Variants in PJA2 observed in about 807,000 individuals in gnomAD.
PJA2 encodes the protein E3 ubiquitin-protein ligase Praja-2.
Under a neutral mutation model 69.3 loss-of-function variants are expected in PJA2, and 25 were observed. The ratio of observed to expected loss-of-function variants is 0.36; its 90% CI spans 0.26 to 0.50. The LOEUF (loss-of-function observed/expected upper bound fraction) is 0.50, where lower values mean the gene tolerates loss of function less well. Among genes scored for constraint, PJA2 ranks in the 20% least tolerant of loss-of-function variants. The pLI is 0.96. For synonymous variants in PJA2, 308 were observed against 277.8 expected (o/e 1.11, Z -1.08); for missense variants, 809 against 830.2 (o/e 0.97, Z 0.31).
In PJA2 at chr5:109,400,487, G is replaced by GCC. The variant is rs1747515509; in HGVS notation, c.-88+9354_-88+9355insGG. ...AAAAGAGAGCAAACCAGCAGGGGGA[G>GCC]GGGGGGGAAGGGCGGGGGGGTGTCG... On this transcript the variant is annotated intron_variant, in intron 1 of 9. Coordinates refer to ENST00000361189, the MANE Select transcript of PJA2 (RefSeq NM_014819.5). Among the ~76,000 whole-genome samples, 12 of 146,396 alleles carry GCC rather than the reference G, an allele frequency of 8.2e-5. 1 individual carries two copies. The highest frequency in any genetic ancestry group is 6.8e-4 in the Admixed American group (10 of 14,758).
chr5:109,400,006 C>T (rs998619545), intron 1 of PJA2, among the ~76,000 whole-genome samples: 1 of 152,004 alleles, frequency 6.6e-6, no homozygotes, highest in Non-Finnish European at 1.5e-5. Context: ...CAAGATAAAT[C>T]AGGCCAGGCT....
chr5:109,370,269 T>C (rs1762654991), intron 4 of PJA2, among the ~76,000 whole-genome samples: 1 of 152,034 alleles, frequency 6.6e-6, no homozygotes, highest in Non-Finnish European at 1.5e-5. Flanking sequence ...ACTTGGAAAA[T>C]CAAAAATAAC....
intron 4 of PJA2, among the ~76,000 whole-genome samples, chr5:109,369,175 T>C (rs149180986): frequency 2.2e-4 from 34 of 152,290 alleles, no homozygotes; most frequent in Non-Finnish European, 4.0e-4. Context: ...ACCTCTTTTC[T>C]TTATAAATTA....
chr5:109,344,542 A>T (rs1282449586), intron 8 of PJA2, among the ~76,000 whole-genome samples, 163 bp downstream of exon 8: 1 of 152,256 alleles, frequency 6.6e-6, no homozygotes, highest in Non-Finnish European at 1.5e-5. Flanking sequence ...CTTGAAAATT[A>T]AAAATATTCT....
At chr5:109,363,919 A>C (rs897325240) in intron 5 of PJA2, among the ~76,000 whole-genome samples, 2 of 152,174 alleles carry the variant, frequency 1.3e-5, no homozygotes, top group African/African-American at 4.8e-5. Flanking sequence ...TGGGAGTCCG[A>C]GTCAGGCAGA....
At chr5:109,401,957 G>A (rs1425444713) in intron 1 of PJA2, among the ~76,000 whole-genome samples, 1 of 152,136 alleles carries the variant, frequency 6.6e-6, no homozygotes, top group South Asian at 2.1e-4. Flanking sequence ...TAGCACAAAA[G>A]ATAAGGAGAA....
At chr5:109,398,877 C>T (rs1217374601) in intron 1 of PJA2, among the ~76,000 whole-genome samples, 2 of 152,236 alleles carry the variant, frequency 1.3e-5, no homozygotes, top group East Asian at 3.9e-4. Flanking sequence ...AGATTTGCTA[C>T]CACTGGGGAA....
At chr5:109,406,321 T>G (rs1179227711) in intron 1 of PJA2, among the ~76,000 whole-genome samples, 2 of 152,214 alleles carry the variant, frequency 1.3e-5, no homozygotes, top group African/African-American at 4.8e-5. Flanking sequence ...ATTACAGGCG[T>G]GAGCCACCGC....
intron 9 of PJA2, 47 bp from the exon 10 acceptor site, chr5:109,337,403 C>A: frequency 6.6e-7 from 1 of 1,524,840 alleles, no homozygotes; most frequent in Non-Finnish European, 8.8e-7. Flanking sequence ...ATCTTAACTG[C>A]CACACAAGTA....
At chr5:109,404,947 T>C (rs1361132180) in intron 1 of PJA2, among the ~76,000 whole-genome samples, 3 of 152,192 alleles carry the variant, frequency 2.0e-5, no homozygotes, top group Admixed American at 1.3e-4. Flanking sequence ...TCTTAGCCAG[T>C]CTAAGAAGAA....
At position 109,371,969 on chromosome 5, in the gene PJA2, T is replaced by C. The variant is rs188855578; in HGVS notation, c.1284-3223A>G. Among the ~76,000 whole-genome samples the C allele has an allele frequency of 1.6e-4, 24 of 152,336 alleles. No homozygotes were observed. The East Asian group carries it at 4.6e-3, about 29-fold the overall frequency. On this transcript the variant is annotated intron_variant, in intron 4 of 9. Transcript: ENST00000361189. ...TTCATGTAAAGGGTAAGTGAGTTAA[T>C]ATATATAAAACATTTTCACAATGCC...
At chr5:109,376,463 C>G (rs1295360815) in intron 4 of PJA2, among the ~76,000 whole-genome samples, 3 of 151,888 alleles carry the variant, frequency 2.0e-5, no homozygotes, top group Non-Finnish European at 1.5e-5. Context: ...GCCAGGAAGA[C>G]TACCTTTCTC....
rs1761932049 is a variant in PJA2, at chr5:109,336,002, T to C, written c.*1229A>G. 6.6e-6 allele frequency: 1 copy of C among 152,630 alleles called. No homozygotes were observed. Among genetic ancestry groups the C allele is most frequent in the Non-Finnish European group, 1.5e-5 (1 of 68,026 alleles). 9.5% of individuals were successfully genotyped at this position (152,630 alleles called of 1,614,324 possible). On this transcript the variant is annotated 3_prime_UTR_variant, in exon 10 of 10. Coordinates refer to ENST00000361189, the MANE Select transcript of PJA2 (RefSeq NM_014819.5). The stretch of plus-strand genomic sequence containing the variant: ...TGTGCCAACAGTGAAAATTCATTTA[T>C]TTTTAAGAATGAAAAAAGGAGACGG...
At chr5:109,392,989 G>C (rs1014168357) in intron 1 of PJA2, among the ~76,000 whole-genome samples, 2 of 151,826 alleles carry the variant, frequency 1.3e-5, no homozygotes, top group Admixed American at 1.3e-4. Flanking sequence ...CTAAATAAGG[G>C]GCCAATGAAC....
At chr5:109,393,622 A>G (rs751324109) in intron 1 of PJA2, among the ~76,000 whole-genome samples, 20 of 152,334 alleles carry the variant, frequency 1.3e-4, no homozygotes, top group Non-Finnish European at 1.9e-4. Context: ...CAACAAAGCC[A>G]GACCCCATCT....
intron 7 of PJA2, 55 bp from the exon 8 acceptor site, chr5:109,344,874 A>C (rs1353333773): frequency 2.5e-6 from 3 of 1,198,874 alleles, no homozygotes; most frequent in Non-Finnish European, 3.6e-6. Context: ...CAGTAACAGA[A>C]AACTATTTTT....
At chr5:109,354,305 T>C (rs1762359059) in intron 7 of PJA2, among the ~76,000 whole-genome samples, 1 of 147,144 alleles carries the variant, frequency 6.8e-6, no homozygotes, top group Non-Finnish European at 1.5e-5. Flanking sequence ...TATCTAGAGA[T>C]ATCTATAGAT....
At chr5:109,387,355 G>T (rs1747182255) in intron 1 of PJA2, among the ~76,000 whole-genome samples, 1 of 152,020 alleles carries the variant, frequency 6.6e-6, no homozygotes, top group Admixed American at 6.6e-5. Context: ...AGCAAAACAG[G>T]GAAGAGATAA....
At chr5:109,359,077 C>T (rs1762469396) in intron 6 of PJA2, among the ~76,000 whole-genome samples, 1 of 152,132 alleles carries the variant, frequency 6.6e-6, no homozygotes, top group East Asian at 1.9e-4. Flanking sequence ...CCTCCTCTTC[C>T]TCCTCAGCTT....
Sources: gnomAD v4.1 joint callset for allele counts (sites outside exome capture counted in the v4.1 genomes callset) on GRCh38, gnomAD v4.1.1 for gene constraint, MANE v1.5 for transcripts, NCBI Gene and HGNC (gene_info 2026-07-23, HGNC 2026-07-21) for gene names.